Variants in CSMD1 observed in about 807,000 individuals in gnomAD.
CSMD1 encodes the protein CUB and sushi domain-containing protein 1.
In CSMD1, 213 loss-of-function variants were observed where a neutral mutation model predicts 417.5. That is an observed-to-expected ratio of 0.51 (90% CI 0.46 to 0.57). The LOEUF is 0.57. CSMD1 is among the 20% of genes least tolerant of loss of function. The pLI is 0.00. For synonymous variants in CSMD1, 2,862 were observed against 1,736.8 expected, an observed-to-expected ratio of 1.65 and a Z score of -16.11; for missense variants, 6,923 against 4,529.7, an observed-to-expected ratio of 1.53 and a Z score of -15.17.
intron 5 of CSMD1, among the ~76,000 whole-genome samples, chr8:3,875,123 T>G (rs1283928967): frequency 1.4e-5 from 2 of 138,278 alleles, no homozygotes; most frequent in African/African-American, 5.9e-5. Flanking sequence ...GAACACATTG[T>G]GGGGTTTGGA....
intron 2 of CSMD1, among the ~76,000 whole-genome samples, chr8:4,536,823 T>C (rs935457624): frequency 7.2e-5 from 11 of 152,206 alleles, no homozygotes; most frequent in African/African-American, 2.7e-4. Flanking sequence ...TGCGGCCAAA[T>C]TTCCTTTCAC....
chr8:4,096,086 T>C (rs1800992717), intron 3 of CSMD1, among the ~76,000 whole-genome samples: 1 of 152,160 alleles, frequency 6.6e-6, no homozygotes, highest in Admixed American at 6.5e-5. Context: ...TGTTATATGT[T>C]ATCACAAGAC....
intron 37 of CSMD1, among the ~76,000 whole-genome samples, chr8:3,170,375 T>C (rs1450547085): frequency 6.6e-6 from 1 of 152,006 alleles, no homozygotes; most frequent in Non-Finnish European, 1.5e-5. Flanking sequence ...ACCTGGCTAA[T>C]TGTTTTGTAT....
At chr8:4,374,585 G>A (rs980609417) in intron 3 of CSMD1, among the ~76,000 whole-genome samples, 1 of 152,096 alleles carries the variant, frequency 6.6e-6, no homozygotes, top group Non-Finnish European at 1.5e-5. Flanking sequence ...GCCATGGGAA[G>A]ACAAGGGAAG....
At chr8:4,404,607 A>G (rs972522413) in intron 3 of CSMD1, among the ~76,000 whole-genome samples, 3 of 152,144 alleles carry the variant, frequency 2.0e-5, no homozygotes, top group African/African-American at 7.2e-5. Context: ...AAAAATGGCA[A>G]TTTCTTTTGC....
chr8:4,912,838 T>G (rs1004173867), intron 1 of CSMD1, among the ~76,000 whole-genome samples: 1 of 151,868 alleles, frequency 6.6e-6, no homozygotes, highest in African/African-American at 2.4e-5. Flanking sequence ...TAGACTAGAG[T>G]GCAGTGGTGC....
chr8:3,307,401 C>T (rs1804958174), intron 25 of CSMD1, among the ~76,000 whole-genome samples: 1 of 107,898 alleles, frequency 9.3e-6, no homozygotes. Context: ...CCCAGGCAAC[C>T]CACGAAGTCA....
intron 3 of CSMD1, among the ~76,000 whole-genome samples, chr8:4,344,491 A>AT (rs1349849723): frequency 6.6e-6 from 1 of 151,540 alleles, no homozygotes; most frequent in Non-Finnish European, 1.5e-5. Context: ...CTCTCAATCT[A>AT]TTTTTTCATT....
At chr8:3,763,108 C>T (rs1798098818) in intron 5 of CSMD1, among the ~76,000 whole-genome samples, 1 of 152,182 alleles carries the variant, frequency 6.6e-6, no homozygotes, top group Non-Finnish European at 1.5e-5. Context: ...GAGTGCTGGG[C>T]ATGTGGTAGG....
In CSMD1 at chr8:3,132,349, C is replaced by T. The variant is rs139663569; in HGVS notation, c.6241+10116G>A. Among the ~76,000 whole-genome samples, 31 of 151,334 alleles carry T rather than the reference C, an allele frequency of 2.0e-4. No individual in the cohort carries two copies. The East Asian group carries it at 5.6e-3, about 27-fold the overall frequency. On this transcript the variant is annotated intron_variant, in intron 41 of 69. Transcript: ENST00000635120. ...TTCTCATGCTAGCCTAATACATAGA[C>T]GGCCTTCAAAAAAATTTGACTTAAA... is the stretch of plus-strand genomic sequence containing the variant.
intron 1 of CSMD1, among the ~76,000 whole-genome samples, chr8:4,967,735 G>C (rs558329620): frequency 7.2e-5 from 11 of 152,106 alleles, no homozygotes; most frequent in Non-Finnish European, 1.2e-4. Context: ...CATAGCATTA[G>C]TTCATCAATA....
rs1473671096 is a variant in CSMD1, at chr8:3,412,043, TAC to T, written c.1562-2440_1562-2439del. On this transcript the variant is annotated intron_variant, in intron 12 of 69. Transcript: ENST00000635120. ...ATACACACGTATATATACACATATA[TAC>T]ACGTATATATACACACGTATATATA... 5.8e-4 allele frequency among the ~76,000 whole-genome samples: 49 copies of T among 84,250 alleles called. 3 individuals are homozygous for T. Among genetic ancestry groups the T allele is most frequent in the South Asian group, 1.4e-3 (3 of 2,208 alleles). The allele number at this position is 84,250 out of a possible 152,430, so 55.3% of individuals were successfully genotyped here. A position where few individuals can be genotyped will look rare whatever the true frequency, so the allele number is the denominator to read the frequency against.
chr8:3,178,440 T>C (rs1194858886), intron 37 of CSMD1, among the ~76,000 whole-genome samples: 1 of 152,054 alleles, frequency 6.6e-6, no homozygotes, highest in African/African-American at 2.4e-5. Context: ...TTTGGTGTCA[T>C]TGTTTGTAAA....
At chr8:3,353,370 A>T (rs1465588716) in intron 21 of CSMD1, among the ~76,000 whole-genome samples, 2 of 152,200 alleles carry the variant, frequency 1.3e-5, no homozygotes, top group Admixed American at 6.5e-5. Flanking sequence ...CTGCTCTCTA[A>T]CACTACCCCT....
intron 2 of CSMD1, among the ~76,000 whole-genome samples, chr8:4,612,717 T>C (rs1056745078): frequency 2.6e-5 from 4 of 152,184 alleles, no homozygotes; most frequent in Non-Finnish European, 4.4e-5. Flanking sequence ...GTATGGAGGC[T>C]GGTGGGTGTG....
intron 12 of CSMD1, among the ~76,000 whole-genome samples, chr8:3,466,984 G>C (rs1177855742): frequency 6.6e-6 from 1 of 152,068 alleles, no homozygotes; most frequent in Non-Finnish European, 1.5e-5. Context: ...TTTTGTCAAA[G>C]ATAACACATG....
intron 1 of CSMD1, among the ~76,000 whole-genome samples, chr8:4,715,051 G>T (rs1254150683): frequency 1.3e-5 from 2 of 151,966 alleles, no homozygotes; most frequent in African/African-American, 2.4e-5. Flanking sequence ...GTTATTCAGG[G>T]TCTGTTATTT....
rs574497159 is a variant in CSMD1, at chr8:4,854,436, C to T, written c.85+139896G>A. On this transcript the variant is annotated intron_variant, in intron 1 of 69. Transcript: ENST00000635120. ...CAAGATGGCCGAATAGGAACAGCTC[C>T]GGTCTACAGCTCCCACTGTGAGCGA... Among the ~76,000 whole-genome samples the T allele has an allele frequency of 4.6e-5, 7 of 152,276 alleles. No individual in the cohort carries two copies. In the East Asian group the frequency reaches 5.8e-4, roughly 13 times the overall value.
chr8:3,187,900 A>G lies in CSMD1; in HGVS notation c.5589T>C (p.Asp1863=). 1 of 1,613,186 alleles carries G rather than the reference A, an allele frequency of 6.2e-7. No homozygotes were observed. The highest frequency in any genetic ancestry group is 8.5e-7 in the Non-Finnish European group (1 of 1,179,552). ...AGCTTCCCAGTCTGGGTGCGGTCAC[A>G]TCCCCACCATCGTGGATCTCAAGGG... ...WDSLEIHDGG[D]VTAPRLGSFS... is the part of the protein sequence containing the mutation. Residue 1863 remains aspartate (D), a synonymous_variant, in exon 36 of 70, where the codon GAT becomes GAC. Coordinates refer to ENST00000635120, the MANE Select transcript of CSMD1 (RefSeq NM_033225.6).
Sources: allele counts gnomAD v4.1 joint callset (sites outside exome capture counted in the v4.1 genomes callset), GRCh38; gene constraint gnomAD v4.1.1; transcripts MANE v1.5; gene names NCBI Gene and HGNC (gene_info 2026-07-23, HGNC 2026-07-21).